KCNIP4: variants seen among roughly 807,000 people sequenced by gnomAD.
KCNIP4 encodes the protein potassium voltage-gated channel interacting protein 4, also known as Kv channel-interacting protein 4.
In KCNIP4, 12 loss-of-function variants were observed where a neutral mutation model predicts 34.0. That is an observed-to-expected ratio of 0.35 (90% CI 0.23 to 0.57). The LOEUF is 0.57. Among genes scored for constraint, KCNIP4 ranks in the 20% least tolerant of loss-of-function variants. The pLI, the probability that KCNIP4 is intolerant of heterozygous loss-of-function variation, is 0.83. For missense variants in KCNIP4, 238 were observed against 311.7 expected (o/e 0.76, Z 1.78); for synonymous variants, 124 against 102.2 (o/e 1.21, Z -1.29).
intron 1 of KCNIP4, among the ~76,000 whole-genome samples, chr4:21,637,396 G>A (rs1746268157): frequency 1.3e-5 from 2 of 152,076 alleles, no homozygotes; most frequent in African/African-American, 4.8e-5. Context: ...GACATGACGA[G>A]CACTGTGCTA....
chr4:21,135,200 G>A (rs750183088), intron 1 of KCNIP4, among the ~76,000 whole-genome samples: 2 of 152,198 alleles, frequency 1.3e-5, no homozygotes, highest in Admixed American at 6.5e-5. Context: ...CTCTCTGCTG[G>A]TCAAAAGCAT....
At chr4:21,641,837 T>C (rs1746639524) in intron 1 of KCNIP4, among the ~76,000 whole-genome samples, 1 of 152,176 alleles carries the variant, frequency 6.6e-6, no homozygotes, top group African/African-American at 2.4e-5. Flanking sequence ...TCTCCAAGGC[T>C]GACCTACTTA....
At chr4:21,407,464 C>G (rs747352389) in intron 1 of KCNIP4, among the ~76,000 whole-genome samples, 34 of 152,042 alleles carry the variant, frequency 2.2e-4, no homozygotes, top group Non-Finnish European at 3.8e-4. Context: ...CTCTTTTTTT[C>G]ACTGTGTGTT....
At chr4:21,245,529 A>T (rs1448242894) in intron 1 of KCNIP4, among the ~76,000 whole-genome samples, 1 of 152,212 alleles carries the variant, frequency 6.6e-6, no homozygotes, top group Non-Finnish European at 1.5e-5. Flanking sequence ...GGTGCATAAG[A>T]TGAATAATAA....
chr4:21,023,495 A>C (rs937927224), intron 1 of KCNIP4, among the ~76,000 whole-genome samples: 1 of 152,182 alleles, frequency 6.6e-6, no homozygotes, highest in Non-Finnish European at 1.5e-5. Flanking sequence ...AGATCACTCA[A>C]TTGAAAAATT....
chr4:21,671,797 T>C (rs1315766209), intron 1 of KCNIP4, among the ~76,000 whole-genome samples: 2 of 152,110 alleles, frequency 1.3e-5, no homozygotes, highest in African/African-American at 4.8e-5. Context: ...CAAGAATAAA[T>C]GCTCATTTTA....
chr4:21,355,028 C>A (rs1195702160), intron 1 of KCNIP4, among the ~76,000 whole-genome samples: 1 of 152,274 alleles, frequency 6.6e-6, no homozygotes, highest in African/African-American at 2.4e-5. Context: ...GGAAACTGAA[C>A]AACCTGCTCC....
intron 3 of KCNIP4, among the ~76,000 whole-genome samples, chr4:20,805,969 A>C (rs920190663): frequency 6.6e-6 from 1 of 152,132 alleles, no homozygotes; most frequent in African/African-American, 2.4e-5. Flanking sequence ...CTGTGCTTTG[A>C]CAATATATAG....
intron 1 of KCNIP4, among the ~76,000 whole-genome samples, chr4:21,790,600 T>A (rs527329648): frequency 6.0e-4 from 86 of 142,612 alleles, no homozygotes; most frequent in African/African-American, 2.4e-3. Context: ...AGAAAACACA[T>A]TAAGAAAAAA....
intron 1 of KCNIP4, among the ~76,000 whole-genome samples, chr4:21,731,096 TGAA>T: frequency 7.0e-6 from 1 of 141,884 alleles, no homozygotes; most frequent in South Asian, 2.3e-4. Context: ...CCTGGGCAAC[TGAA>T]GTAAGAACCT....
At chr4:21,130,831 G>A (rs1223319604) in intron 1 of KCNIP4, among the ~76,000 whole-genome samples, 1 of 152,148 alleles carries the variant, frequency 6.6e-6, no homozygotes, top group Non-Finnish European at 1.5e-5. Flanking sequence ...CCAAAGAAAT[G>A]TATAGATAAT....
chr4:20,985,089 G>A (rs1736452051), intron 1 of KCNIP4, among the ~76,000 whole-genome samples: 1 of 152,138 alleles, frequency 6.6e-6, no homozygotes, highest in Non-Finnish European at 1.5e-5. Flanking sequence ...TAAAAACGGA[G>A]ATGAAGAGAA....
intron 1 of KCNIP4, among the ~76,000 whole-genome samples, chr4:21,710,696 A>T (rs1002225662): frequency 6.6e-6 from 1 of 152,292 alleles, no homozygotes; most frequent in African/African-American, 2.4e-5. Context: ...TCTCTCAAGG[A>T]CTAAAGTTGG....
intron 3 of KCNIP4, among the ~76,000 whole-genome samples, chr4:20,774,030 CAG>C (rs970887762): frequency 3.1e-4 from 47 of 152,264 alleles, no homozygotes; most frequent in African/African-American, 1.0e-3. Flanking sequence ...TGCTGTTTAA[CAG>C]GGGAACATTT....
intron 3 of KCNIP4, among the ~76,000 whole-genome samples, chr4:20,846,216 A>T (rs1388088596): frequency 1.3e-5 from 2 of 152,216 alleles, no homozygotes; most frequent in Non-Finnish European, 1.5e-5. Context: ...GCAGGGGAAG[A>T]TTCCATAGAA....
At chr4:21,640,216 C>G (rs900433143) in intron 1 of KCNIP4, among the ~76,000 whole-genome samples, 1 of 152,190 alleles carries the variant, frequency 6.6e-6, no homozygotes, top group South Asian at 2.1e-4. Flanking sequence ...ATGGTAACAA[C>G]ACCCATCTTA....
At chr4:21,643,925 AAGATAGAT>A (rs58763479) in intron 1 of KCNIP4, among the ~76,000 whole-genome samples, 1 of 150,040 alleles carries the variant, frequency 6.7e-6, no homozygotes, top group Non-Finnish European at 1.5e-5. Context: ...GACTGGCAGA[AAGATAGAT>A]AGATAGATAT....
chr4:21,575,906 C>T (rs1740712376), intron 1 of KCNIP4, among the ~76,000 whole-genome samples: 1 of 152,128 alleles, frequency 6.6e-6, no homozygotes, highest in Admixed American at 6.5e-5. Context: ...TTAGAATGGT[C>T]TTGAAAATCC....
chr4:21,329,421 C>T (rs1434360815), intron 1 of KCNIP4, among the ~76,000 whole-genome samples: 1 of 152,084 alleles, frequency 6.6e-6, no homozygotes, highest in Non-Finnish European at 1.5e-5. Context: ...AGATTTTACT[C>T]TACTAATATT....
Sources: allele counts gnomAD v4.1 joint callset (sites outside exome capture counted in the v4.1 genomes callset), GRCh38; gene constraint gnomAD v4.1.1; transcripts MANE v1.5; gene names NCBI Gene and HGNC (gene_info 2026-07-23, HGNC 2026-07-21).